The following SAMD12 variants were observed in gnomAD, a reference collection of about 807,000 sequenced individuals.
SAMD12 encodes sterile alpha motif domain-containing protein 12.
SAMD12 carries 9 observed loss-of-function variants against 15.0 expected under a neutral mutation model. The observed-to-expected ratio is 0.60, with a 90% confidence interval of 0.36 to 1.05. The LOEUF is 1.05. Among genes scored for constraint, SAMD12 ranks in the 50% least tolerant of loss-of-function variants. The pLI is 0.01. For missense variants in SAMD12, 230 were observed against 234.2 expected (o/e 0.98, Z 0.12); for synonymous variants, 86 against 90.1 (o/e 0.96, Z 0.25).
At chr8:118,319,801 G>C (rs954860490) in intron 4 of SAMD12, among the ~76,000 whole-genome samples, 3 of 152,158 alleles carry the variant, frequency 2.0e-5, no homozygotes, top group African/African-American at 7.2e-5. Context: ...GAAAAGCGCA[G>C]GTTTGGTGTT....
intron 2 of SAMD12, among the ~76,000 whole-genome samples, chr8:118,478,013 C>CAAAA (rs10629817): frequency 1.9e-4 from 17 of 88,200 alleles, no homozygotes; most frequent in East Asian, 3.5e-4. Context: ...GACCCTGTCT[C>CAAAA]AAAAAAAAAA....
chr8:118,315,648 T>C (rs926657845), intron 4 of SAMD12, among the ~76,000 whole-genome samples: 10 of 152,102 alleles, frequency 6.6e-5, no homozygotes, highest in African/African-American at 1.9e-4. Context: ...TATTTTGGAA[T>C]AAACCTCACA....
chr8:118,147,307 G>C, the SAMD12 span, among the ~76,000 whole-genome samples: 2 of 151,300 alleles, frequency 1.3e-5, no homozygotes, highest in Admixed American at 1.3e-4. Context: ...TTACAGACGT[G>C]AGCCACCACA....
intron 3 of SAMD12, among the ~76,000 whole-genome samples, chr8:118,421,228 GTGTT>G (rs1269583028): frequency 1.3e-5 from 2 of 152,128 alleles, no homozygotes; most frequent in Admixed American, 6.5e-5. Flanking sequence ...GCTAAACACT[GTGTT>G]TGGCATATAG....
At chr8:118,368,187 T>C (rs185100222) in intron 4 of SAMD12, among the ~76,000 whole-genome samples, 16 of 152,274 alleles carry the variant, frequency 1.1e-4, no homozygotes, top group Admixed American at 5.9e-4. Context: ...TTGAAATGTG[T>C]CGGGGGAAAT....
chr8:118,131,969 C>T, the SAMD12 span, among the ~76,000 whole-genome samples: 1 of 152,094 alleles, frequency 6.6e-6, no homozygotes, highest in African/African-American at 2.4e-5. Context: ...AGAAGATACC[C>T]ATTATCCTAT....
intron 4 of SAMD12, among the ~76,000 whole-genome samples, chr8:118,337,192 A>T (rs932618606): frequency 1.1e-4 from 16 of 149,238 alleles, no homozygotes; most frequent in African/African-American, 2.0e-4. Flanking sequence ...AGAGAGAAAT[A>T]AAAAAAAAAG....
In SAMD12 at chr8:118,379,681, A is replaced by G. The variant is rs763603974; in HGVS notation, c.342T>C (p.Leu114=). The G allele has an allele frequency of 6.2e-7, 1 of 1,613,824 alleles. No homozygotes were observed. Among genetic ancestry groups the G allele is most frequent in the Non-Finnish European group, 8.5e-7 (1 of 1,179,780 alleles). The change falls in exon 4 of 4, where the codon CTT becomes CTC. Residue 114 remains leucine, a synonymous_variant. Transcript: ENST00000314727. ...CCATTCGCTCGAGCTTTTTGTCAGT[A>G]AGTCTCAGCAGGGCTCGCCCTGCAG... ...HDITGRALLR[L]TDKKLERMGI...
chr8:118,145,154 A>G, the SAMD12 span, among the ~76,000 whole-genome samples: 5 of 152,236 alleles, frequency 3.3e-5, no homozygotes, highest in South Asian at 1.0e-3. Flanking sequence ...TTGATAGTAA[A>G]TAACAGTTTT....
intron 4 of SAMD12, among the ~76,000 whole-genome samples, chr8:118,200,768 T>C (rs1208634918): frequency 6.6e-6 from 1 of 152,240 alleles, no homozygotes; most frequent in Admixed American, 6.5e-5. Context: ...ACTCAGGCTG[T>C]ATGTGTAAGA....
intron 4 of SAMD12, among the ~76,000 whole-genome samples, chr8:118,318,308 GTGTATATATATATATATA>G (rs1255932490): frequency 4.9e-4 from 28 of 57,520 alleles, no homozygotes; most frequent in African/African-American, 2.5e-3. Context: ...GGAGATATAT[GTGTATATATATATATATA>G]TATATATATA....
chr8:118,449,672 G>A (rs1052868268), intron 2 of SAMD12, among the ~76,000 whole-genome samples: 2 of 151,318 alleles, frequency 1.3e-5, no homozygotes, highest in African/African-American at 2.4e-5. Flanking sequence ...AGTGGCAGGC[G>A]CCTGTAGTCC....
intron 2 of SAMD12, among the ~76,000 whole-genome samples, chr8:118,545,047 C>A (rs1037087925): frequency 1.3e-5 from 2 of 152,202 alleles, no homozygotes; most frequent in African/African-American, 4.8e-5. Context: ...TGATAAAATG[C>A]CAGTGCCCAG....
chr8:118,193,263 T>G (rs1819457616), exon 5 of SAMD12: 1 of 152,238 alleles, frequency 6.6e-6, no homozygotes, highest in Non-Finnish European at 1.5e-5. Context: ...AACTTTCCTG[T>G]GTACTTGGCC....
chr8:118,288,391 T>G (rs1037619566), intron 4 of SAMD12: 2 of 152,110 alleles, frequency 1.3e-5, no homozygotes, highest in Non-Finnish European at 2.9e-5. Flanking sequence ...AAAAGTCAGA[T>G]TTTTTCAAAA....
intron 1 of SAMD12, among the ~76,000 whole-genome samples, chr8:118,617,969 T>G (rs1203720844): frequency 6.6e-6 from 1 of 152,032 alleles, no homozygotes; most frequent in Non-Finnish European, 1.5e-5. Context: ...CCCTGCTACC[T>G]CCTTCCAAGA....
chr8:118,442,458 C>T (rs1350650094), intron 2 of SAMD12, among the ~76,000 whole-genome samples: 7 of 152,214 alleles, frequency 4.6e-5, no homozygotes, highest in African/African-American at 1.7e-4. Flanking sequence ...TTCCCTCTAA[C>T]ATCTGTGGGA....
chr8:118,422,384 A>G (rs1300519981), intron 3 of SAMD12, among the ~76,000 whole-genome samples: 1 of 152,256 alleles, frequency 6.6e-6, no homozygotes, highest in Non-Finnish European at 1.5e-5. Context: ...TGTAAAATGT[A>G]AAGCAAACAC....
rs531011810 is a variant in SAMD12, at chr8:118,319,977, T to C, written c.433+59583A>G. On this transcript the variant is annotated intron_variant, in intron 4 of 4. Coordinates refer to the SAMD12 transcript ENST00000409003. ...GCACTTGGTATCTTAGGAGTAGGTG[T>C]GGTTTACCAAGGAGAATACTGGATC... Among the ~76,000 whole-genome samples the C allele has an allele frequency of 5.9e-5, 9 of 152,248 alleles. No homozygotes were observed. In the South Asian group the frequency reaches 1.2e-3, roughly 21 times the overall value.
Sources: allele counts gnomAD v4.1 joint callset (sites outside exome capture counted in the v4.1 genomes callset), GRCh38; gene constraint gnomAD v4.1.1; transcripts MANE v1.5; gene names NCBI Gene and HGNC (gene_info 2026-07-23, HGNC 2026-07-21).